The following ZBED5 variants were observed in gnomAD, a reference collection of about 807,000 sequenced individuals.
The protein encoded by ZBED5 is zinc finger BED-type containing 5.
Under a neutral mutation model 49.2 loss-of-function variants are expected in ZBED5, and 29 were observed. The observed-to-expected ratio is 0.59, with a 90% confidence interval of 0.44 to 0.80. The LOEUF is 0.80. Ranked by LOEUF, ZBED5 falls within the 30% of genes least tolerant of loss-of-function variation. The pLI, the probability that ZBED5 is intolerant of heterozygous loss-of-function variation, is 0.00. For synonymous variants in ZBED5, 281 were observed against 292.5 expected (o/e 0.96, Z 0.40); for missense variants, 775 against 812.9 (o/e 0.95, Z 0.57).
Position 10,854,210 on chromosome 11 carries a change from T to C in ZBED5, c.736A>G (p.Ser246Gly). The change falls in exon 3 of 3, where the codon AGT becomes GGT. Residue 246 changes from serine to glycine, a missense_variant. By Grantham distance (56) the Ser-to-Gly change is moderately conservative. Transcript: ENST00000413761. This position sits in a 1 kb window ranked among gnomAD's most constrained non-coding sequence, Gnocchi z 5.0. ...KKIDAVQLSN[S>G]TVARRIKDLA... ...TCCTTAATTCGACGTGCAACAGTAC[T>C]GTTTGATAGCTGTACTGCATCTATT... 6.4e-7 allele frequency: 1 copy of C among 1,551,094 alleles called. No homozygotes were observed. Among genetic ancestry groups the C allele is most frequent in the Non-Finnish European group, 8.7e-7 (1 of 1,146,536 alleles).
In ZBED5 at chr11:10,854,058, C is replaced by T. The variant is rs1198036001; in HGVS notation, c.888G>A (p.Arg296=). The T allele has an allele frequency of 6.4e-7, 1 of 1,551,156 alleles. No individual in the cohort carries two copies. The highest frequency in any genetic ancestry group is 8.7e-7 in the Non-Finnish European group (1 of 1,146,884). The change falls in exon 3 of 3, where the codon AGG becomes AGA. Residue 296 remains arginine, a synonymous_variant. Coordinates refer to ENST00000413761, the MANE Select transcript of ZBED5 (RefSeq NM_001143667.2). This position sits in a 1 kb window ranked among gnomAD's most constrained non-coding sequence, Gnocchi z 5.0. ...LAVLLVFVRY[R]FNKSIEEDLL... ...GGTCTTCCTCAATAGACTTATTAAACCTATAACGAACAAACACAAGCAGCA... is the reference window on the plus strand; with the variant it reads ...GGTCTTCCTCAATAGACTTATTAAATCTATAACGAACAAACACAAGCAGCA...
At position 10,853,765 on chromosome 11, in the gene ZBED5, T is replaced by C; in HGVS notation, c.1181A>G (p.Gln394Arg). Reference protein sequence around the residue: ...MPTSLKNVLDQAVQIINYIKA... With the variant: ...MPTSLKNVLDRAVQIINYIKA... ...AATATAATTGATGATTTGTACTGCC[T>C]GGTCTAGCACATTTTTTAGAGATGT... The change falls in exon 3 of 3, where the codon CAG (glutamine) becomes CGG (arginine). Residue 394 changes from glutamine (Q) to arginine (R), a missense_variant. By Grantham distance (43) the Gln-to-Arg change is conservative. Coordinates refer to ENST00000413761, the MANE Select transcript of ZBED5 (RefSeq NM_001143667.2). The surrounding 1 kb of genome is among the most constrained non-coding windows in gnomAD (Gnocchi z 5.4). 6.4e-7 allele frequency: 1 copy of C among 1,551,636 alleles called. No homozygotes were observed. Among genetic ancestry groups the C allele is most frequent in the Non-Finnish European group, 8.7e-7 (1 of 1,146,924 alleles).
In ZBED5 at chr11:10,857,271, T is replaced by C. The variant is rs1848195271; in HGVS notation, c.-256+591A>G. ...TTTCTCGAGGACAAAGAATCTGGAC[T>C]CCTTTGAGAGTAAAGTTTCCTTTCC... On this transcript the variant is annotated intron_variant, in intron 1 of 2. Coordinates refer to ENST00000413761, the MANE Select transcript of ZBED5 (RefSeq NM_001143667.2). This position sits in a 1 kb window ranked among gnomAD's most constrained non-coding sequence, Gnocchi z 6.3. 1 of 152,216 alleles carries C rather than the reference T, an allele frequency of 6.6e-6. No homozygotes were observed. The highest frequency in any genetic ancestry group is 1.5e-5 in the Non-Finnish European group (1 of 68,044). 9.4% of individuals were successfully genotyped at this position (152,216 alleles called of 1,614,324 possible).
Position 10,857,020 on chromosome 11 carries a change from T to A in ZBED5, c.-255-763A>T, listed in dbSNP as rs1295141749. Among the ~76,000 whole-genome samples the A allele has an allele frequency of 6.6e-6, 1 of 152,040 alleles. No individual in the cohort carries two copies. The highest frequency in any genetic ancestry group is 2.4e-5 in the African/African-American group (1 of 41,366). ...ATTATAACTGCCAGAAAGTCGAGGG[T>A]CTCATACTAGCAACAGCATAAAGCC... On this transcript the variant is annotated intron_variant, in intron 1 of 2. Coordinates refer to ENST00000413761, the MANE Select transcript of ZBED5 (RefSeq NM_001143667.2). This position sits in a 1 kb window ranked among gnomAD's most constrained non-coding sequence, Gnocchi z 6.3.
In ZBED5 at chr11:10,857,176, GA is replaced by G. The variant is rs1188125714; in HGVS notation, c.-256+685del. ...ATCCCTCTCGTTGCCAGAGGACACA[GA>G]AGAGTAGGAAGCTTTTGTTTTCAGA... On this transcript the variant is annotated intron_variant, in intron 1 of 2. Transcript: ENST00000413761. This position sits in a 1 kb window ranked among gnomAD's most constrained non-coding sequence, Gnocchi z 6.3. 1 of 152,218 alleles carries G rather than the reference GA, an allele frequency of 6.6e-6. No individual in the cohort carries two copies. Among genetic ancestry groups the G allele is most frequent in the Non-Finnish European group, 1.5e-5 (1 of 68,036 alleles). 9.4% of individuals were successfully genotyped at this position (152,218 alleles called of 1,614,324 possible).
Position 10,854,860 on chromosome 11 carries a change from C to A in ZBED5, c.86G>T (p.Cys29Phe). 6.4e-7 allele frequency: 1 copy of A among 1,551,756 alleles called. No homozygotes were observed. Among genetic ancestry groups the A allele is most frequent in the Non-Finnish European group, 8.7e-7 (1 of 1,146,970 alleles). ...ATCCATGGGCAATGAGTTTGTGGTA[C>A]AAAACATGGTTAATTTAGAATAGAC... Reference protein sequence around the residue: ...LNVYSKLTMFCTTNSLPMDLL... With the variant: ...LNVYSKLTMFFTTNSLPMDLL... The change falls in exon 3 of 3, where the codon TGT (cysteine) becomes TTT (phenylalanine). Residue 29 changes from cysteine (C) to phenylalanine (F), a missense_variant. Physicochemically the swap from Cys to Phe is radical, Grantham distance 205 (BLOSUM62 -2). Transcript: ENST00000413761. The surrounding 1 kb of genome is among the most constrained non-coding windows in gnomAD (Gnocchi z 5.0).
rs754354247 is a variant in ZBED5, at chr11:10,854,336, T to C, written c.610A>G (p.Ile204Val). 6.4e-7 allele frequency: 1 copy of C among 1,550,758 alleles called. No homozygotes were observed. The change falls in exon 3 of 3, where the codon ATA becomes GTA. Residue 204 changes from isoleucine to valine, a missense_variant. Transcript: ENST00000413761. This position sits in a 1 kb window ranked among gnomAD's most constrained non-coding sequence, Gnocchi z 5.0. ...GTATGAGCCTCTCCACTCAGCGCTA[T>C]ATGGTAACTTACATTGTATGATGCT... ...TEASYNVSYH[I>V]ALSGEAHTIG...
In ZBED5 at chr11:10,853,960, T is replaced by C. The variant is rs1848140635; in HGVS notation, c.986A>G (p.Gln329Arg). The C allele has an allele frequency of 9.7e-6, 15 of 1,551,602 alleles. No homozygotes were observed. The highest frequency in any genetic ancestry group is 2.0e-5 in the Admixed American group (1 of 51,008). The change falls in exon 3 of 3, where the codon CAG (glutamine) becomes CGG (arginine). Residue 329 changes from glutamine (Q) to arginine (R), a missense_variant. Coordinates refer to ENST00000413761, the MANE Select transcript of ZBED5 (RefSeq NM_001143667.2). The surrounding 1 kb of genome is among the most constrained non-coding windows in gnomAD (Gnocchi z 5.4). ...EIFNCINSFM[Q>R]KHEIEWEKCV... is the part of the protein sequence containing the mutation. ...TTTTTCCCATTCAATTTCATGTTTCTGCATAAAACTGTTGATACAGTTGAA... is the reference window on the plus strand; with the variant it reads ...TTTTTCCCATTCAATTTCATGTTTCCGCATAAAACTGTTGATACAGTTGAA...
rs989483418 is a variant in ZBED5, at chr11:10,854,604, A to G, written c.342T>C (p.Tyr114=). The G allele has an allele frequency of 6.4e-7, 1 of 1,551,016 alleles. No individual in the cohort carries two copies. The highest frequency in any genetic ancestry group is 1.4e-5 in the African/African-American group (1 of 72,990). ...CGAAGTAAGTAAATCCAAAAGACAA[A>G]TAACTTTCATCATATTTTCTTCTTT... ...KPKRRKYDES[Y]LSFGFTYFGN... The change falls in exon 3 of 3, where the codon TAT becomes TAC. Residue 114 remains tyrosine (Y), a synonymous_variant. Transcript: ENST00000413761. This position sits in a 1 kb window ranked among gnomAD's most constrained non-coding sequence, Gnocchi z 5.0.
In ZBED5 at chr11:10,854,302, T is replaced by TC. The variant is rs1490614935; in HGVS notation, c.643dup (p.Glu215GlyfsTer17). 6.4e-7 allele frequency: 1 copy of TC among 1,550,950 alleles called. No individual in the cohort carries two copies. Among genetic ancestry groups the TC allele is most frequent in the East Asian group, 2.4e-5 (1 of 40,918 alleles). On this transcript the variant is annotated frameshift_variant, in exon 3 of 3. Coordinates refer to ENST00000413761, the MANE Select transcript of ZBED5 (RefSeq NM_001143667.2). LOFTEE classifies it high-confidence loss of function. The surrounding 1 kb of genome is among the most constrained non-coding windows in gnomAD (Gnocchi z 5.0). ...TTTTGCACAAGGTTTGATAAGCAAT[T>TC]CTCCAATAGTATGAGCCTCTCCACT...
Position 10,857,264 on chromosome 11 carries a change from T to C in ZBED5, c.-256+598A>G, listed in dbSNP as rs968756728. On this transcript the variant is annotated intron_variant, in intron 1 of 2. Transcript: ENST00000413761. This position sits in a 1 kb window ranked among gnomAD's most constrained non-coding sequence, Gnocchi z 6.3. ...CCCCGAATTTCTCGAGGACAAAGAA[T>C]CTGGACTCCTTTGAGAGTAAAGTTT... The C allele has an allele frequency of 6.6e-6, 1 of 152,228 alleles. No individual in the cohort carries two copies. The highest frequency in any genetic ancestry group is 1.5e-5 in the Non-Finnish European group (1 of 68,044). 9.4% of individuals were successfully genotyped at this position (152,228 alleles called of 1,614,324 possible).
intron 1 of ZBED5, among the ~76,000 whole-genome samples, chr11:10,856,477 C>T (rs551713348): frequency 6.6e-6 from 1 of 152,168 alleles, no homozygotes; most frequent in Non-Finnish European, 1.5e-5. Flanking sequence ...GTTCCCCCAC[C>T]TACTGACTTC....
chr11:10,853,660 T>C lies in ZBED5; in HGVS notation c.1286A>G (p.Asn429Ser). 6.4e-7 allele frequency: 1 copy of C among 1,551,672 alleles called. No individual in the cohort carries two copies. Among genetic ancestry groups the C allele is most frequent in the South Asian group, 1.2e-5 (1 of 84,058 alleles). Residue 429 changes from asparagine to serine, a missense_variant, in exon 3 of 3, where the codon AAT (asparagine) becomes AGT (serine). Physicochemically the swap from Asn to Ser is conservative, Grantham distance 46. Transcript: ENST00000413761. This position sits in a 1 kb window ranked among gnomAD's most constrained non-coding sequence, Gnocchi z 5.4. ...TCGAGAAAGCCACCTCACCTCTGTA[T>C]TTAGAAGAAGTGCTGTGTGCTGAGC... ...MGAQHTALLL[N>S]TEVRWLSRGK...
rs1332514368 is a variant in ZBED5 at position 10,854,047 on chromosome 11, G to C, written c.899C>G (p.Ser300Cys). 6.4e-7 allele frequency: 1 copy of C among 1,550,996 alleles called. No homozygotes were observed. The highest frequency in any genetic ancestry group is 8.7e-7 in the Non-Finnish European group (1 of 1,146,916). ...LVFVRYRFNKSIEEDLLLCES... is the reference protein window; with the variant it reads ...LVFVRYRFNKCIEEDLLLCES... ...ACACAGGAGTAGGTCTTCCTCAATAGACTTATTAAACCTATAACGAACAAA... is the reference window on the plus strand; with the variant it reads ...ACACAGGAGTAGGTCTTCCTCAATACACTTATTAAACCTATAACGAACAAA... Residue 300 changes from serine to cysteine, a missense_variant, in exon 3 of 3, where the codon TCT becomes TGT. Coordinates refer to ENST00000413761, the MANE Select transcript of ZBED5 (RefSeq NM_001143667.2). This position sits in a 1 kb window ranked among gnomAD's most constrained non-coding sequence, Gnocchi z 5.0.
Position 10,854,995 on chromosome 11 carries a change from A to C in ZBED5, c.-50T>G, listed in dbSNP as rs1848161332. 2 of 1,518,948 alleles carry C rather than the reference A, an allele frequency of 1.3e-6. No homozygotes were observed. Among genetic ancestry groups the C allele is most frequent in the African/African-American group, 2.8e-5 (2 of 72,100 alleles). The allele number at this position is 1,518,948 out of a possible 1,614,324, so 94.1% of individuals were successfully genotyped here. A position where few individuals can be genotyped will look rare whatever the true frequency, so the allele number is the denominator to read the frequency against. On this transcript the variant is annotated 5_prime_UTR_variant, in exon 3 of 3. It removes the in-frame stop codon of an upstream open reading frame in the 5' UTR. Transcript: ENST00000413761. The surrounding 1 kb of genome is among the most constrained non-coding windows in gnomAD (Gnocchi z 5.0). ...ATCAGTTAATTTGTAAATGCTGCCTATTCATCAATGCGCAGATGGAACATC... is the reference window on the plus strand; with the variant it reads ...ATCAGTTAATTTGTAAATGCTGCCTCTTCATCAATGCGCAGATGGAACATC...
Position 10,853,195 on chromosome 11 carries a change from G to A in ZBED5, c.1751C>T (p.Pro584Leu), listed in dbSNP as rs1352921992. 6.4e-7 allele frequency: 1 copy of A among 1,551,568 alleles called. No homozygotes were observed. Among genetic ancestry groups the A allele is most frequent in the Non-Finnish European group, 8.7e-7 (1 of 1,146,924 alleles). ...VRNPFTVTVK[P>L]ASLVARDYES... ...ATAGTCCCGTGCTACTAATGAAGCT[G>A]GTTTAACAGTAACTGTAAATGGATT... The change falls in exon 3 of 3, where the codon CCA (proline) becomes CTA (leucine). Residue 584 changes from proline (P) to leucine (L), a missense_variant. Coordinates refer to ENST00000413761, the MANE Select transcript of ZBED5 (RefSeq NM_001143667.2). This position sits in a 1 kb window ranked among gnomAD's most constrained non-coding sequence, Gnocchi z 5.4.
Position 10,854,150 on chromosome 11 carries a change from T to C in ZBED5, c.796A>G (p.Arg266Gly). ...AADIEEELVCRLKICDGFSLQ... is the reference protein window; with the variant it reads ...AADIEEELVCGLKICDGFSLQ... ...GAAAACCCATCGCAAATTTTCAGTC[T>C]ACAAACAAGCTCTTCTTCAATGTCA... The change falls in exon 3 of 3, where the codon AGA (arginine) becomes GGA (glycine). Residue 266 changes from arginine to glycine, a missense_variant. Transcript: ENST00000413761. This position sits in a 1 kb window ranked among gnomAD's most constrained non-coding sequence, Gnocchi z 5.0. The C allele has an allele frequency of 6.4e-7, 1 of 1,551,086 alleles. No individual in the cohort carries two copies. The highest frequency in any genetic ancestry group is 1.2e-5 in the South Asian group (1 of 84,056).
chr11:10,853,302 G>A lies in ZBED5; in HGVS notation c.1644C>T (p.Ala548=). 6.4e-7 allele frequency: 1 copy of A among 1,551,594 alleles called. No individual in the cohort carries two copies. Among genetic ancestry groups the A allele is most frequent in the South Asian group, 1.2e-5 (1 of 84,052 alleles). Residue 548 remains alanine (A), a synonymous_variant, in exon 3 of 3, where the codon GCC becomes GCT. Coordinates refer to ENST00000413761, the MANE Select transcript of ZBED5 (RefSeq NM_001143667.2). This position sits in a 1 kb window ranked among gnomAD's most constrained non-coding sequence, Gnocchi z 5.4. ...NSTVDKDICS[A]IVQHLRGLRA... ...GCAAACCCCTTAGGTGCTGCACAAT[G>A]GCACTGCAAATATCTTTATCAACTG...
chr11:10,856,314 C>T (rs1442243805), intron 1 of ZBED5, 57 bp from the exon 2 acceptor site: 9 of 152,040 alleles, frequency 5.9e-5, no homozygotes, highest in African/African-American at 2.2e-4. Flanking sequence ...ACTATAAACC[C>T]GTAAGATGGG....
Sources: allele counts gnomAD v4.1 joint callset (sites outside exome capture counted in the v4.1 genomes callset), GRCh38; gene constraint gnomAD v4.1.1; non-coding constraint Gnocchi (gnomAD v3.1); transcripts MANE v1.5; gene names NCBI Gene and HGNC (gene_info 2026-07-23, HGNC 2026-07-21).